ST13: variants seen among roughly 807,000 people sequenced by gnomAD.
The protein encoded by ST13 is hsc70-interacting protein.
ST13 carries 23 observed loss-of-function variants against 56.7 expected under a neutral mutation model. The ratio of observed to expected loss-of-function variants is 0.41; its 90% CI spans 0.29 to 0.57. The LOEUF (loss-of-function observed/expected upper bound fraction) is 0.57, where lower values mean the gene tolerates loss of function less well. ST13 is among the 20% of genes least tolerant of loss of function. The pLI is 0.36. For synonymous variants in ST13, 132 were observed against 142.4 expected (o/e 0.93, Z 0.52); for missense variants, 369 against 459.9 (o/e 0.80, Z 1.81).
In ST13 at chr22:40,824,791, T is replaced by C. The variant is rs1237972157; in HGVS notation, c.*1747A>G. The C allele has an allele frequency of 6.6e-6, 1 of 152,232 alleles. No homozygotes were observed. Among genetic ancestry groups the C allele is most frequent in the Non-Finnish European group, 1.5e-5 (1 of 68,040 alleles). 9.4% of individuals were successfully genotyped at this position (152,232 alleles called of 1,614,324 possible). On this transcript the variant is annotated 3_prime_UTR_variant, in exon 12 of 12. Transcript: ENST00000216218. Reference sequence around the variant, plus strand: ...ACACAAGCTCAAATGCAAGTTTATATGGTGAGTGTTTTTAAAGGATTTAAA... The same window carrying C: ...ACACAAGCTCAAATGCAAGTTTATACGGTGAGTGTTTTTAAAGGATTTAAA...
At chr22:40,833,596 C>T (rs1032773125) in intron 7 of ST13, among the ~76,000 whole-genome samples, 8 of 148,942 alleles carry the variant, frequency 5.4e-5, no homozygotes, top group Non-Finnish European at 1.2e-4. Flanking sequence ...TAAGGTGTGG[C>T]TAGGCGCGAT....
chr22:40,847,019 C>CA (rs1033150615), intron 3 of ST13, among the ~76,000 whole-genome samples: 24 of 150,456 alleles, frequency 1.6e-4, no homozygotes, highest in East Asian at 5.9e-4. Flanking sequence ...AAAAAAACAA[C>CA]AAAAAAAAAC....
chr22:40,845,947 G>GT (rs1465788362), intron 3 of ST13, among the ~76,000 whole-genome samples: 1 of 151,962 alleles, frequency 6.6e-6, no homozygotes, highest in Non-Finnish European at 1.5e-5. Flanking sequence ...CAGGCATATC[G>GT]TTTTTTGAGA....
intron 7 of ST13, among the ~76,000 whole-genome samples, chr22:40,834,201 C>T (rs1411733402): frequency 3.3e-5 from 5 of 151,896 alleles, no homozygotes; most frequent in Non-Finnish European, 7.4e-5. Context: ...AGGATAATCA[C>T]TTGAACCTGG....
In ST13 at chr22:40,834,874, T is replaced by C. The variant is rs887375579; in HGVS notation, c.578+686A>G. ...CTTTAACATGTGTCATAAAATCCAC[T>C]AGAGCTACTCTGAGTCAGCTAATAC... On this transcript the variant is annotated intron_variant, in intron 7 of 11. Transcript: ENST00000216218. Among the ~76,000 whole-genome samples, 7 of 152,236 alleles carry C rather than the reference T, an allele frequency of 4.6e-5. No individual in the cohort carries two copies. In the South Asian group the frequency reaches 8.3e-4, roughly 18 times the overall value.
intron 5 of ST13, among the ~76,000 whole-genome samples, chr22:40,840,040 C>T (rs1337659811): frequency 6.6e-6 from 1 of 151,892 alleles, no homozygotes; most frequent in Non-Finnish European, 1.5e-5. Flanking sequence ...ATCCCAGCTA[C>T]TCGGGAGGCT....
chr22:40,846,560 G>A (rs1486960115), intron 3 of ST13, among the ~76,000 whole-genome samples: 1 of 152,196 alleles, frequency 6.6e-6, no homozygotes, highest in African/African-American at 2.4e-5. Context: ...TAGGTGGAGA[G>A]TTGGTTAAAA....
chr22:40,831,107 C>T (rs2057751906), intron 8 of ST13, 151 bp from the exon 9 acceptor site: 1 of 600,658 alleles, frequency 1.7e-6, no homozygotes, highest in Non-Finnish European at 2.9e-6. Context: ...CAAGCTAAGC[C>T]TTTAAGAAAA....
At chr22:40,846,993 C>G (rs2057834945) in intron 3 of ST13, among the ~76,000 whole-genome samples, 1 of 151,816 alleles carries the variant, frequency 6.6e-6, no homozygotes. Context: ...AAACTCAAGT[C>G]TTCCAAAAAA....
intron 2 of ST13, among the ~76,000 whole-genome samples, chr22:40,850,119 A>T (rs2057853955): frequency 6.6e-6 from 1 of 152,114 alleles, no homozygotes; most frequent in African/African-American, 2.4e-5. Flanking sequence ...TTAGCCAGGC[A>T]TGGTGGGATG....
intron 1 of ST13, 106 bp from the exon 2 acceptor site, chr22:40,850,986 T>A: frequency 5.4e-6 from 4 of 737,560 alleles, no homozygotes; most frequent in Non-Finnish European, 8.9e-6. Flanking sequence ...ATGACTACCT[T>A]TTCAAAATTT....
intron 4 of ST13, among the ~76,000 whole-genome samples, chr22:40,841,761 C>CTTT (rs35486587): frequency 2.0e-5 from 3 of 146,866 alleles, no homozygotes; most frequent in African/African-American, 7.5e-5. Context: ...AAATGTTTTG[C>CTTT]TTTTTTTTTT....
chr22:40,827,646 ATATTTTTATAAATATATTTTT>A, intron 10 of ST13, among the ~76,000 whole-genome samples: 1 of 151,586 alleles, frequency 6.6e-6, no homozygotes, highest in East Asian at 1.9e-4. Context: ...CCTAATTTTT[ATATTTTTATAAATATATTTTT>A]TATTTTTATA....
rs966145323 is a variant in ST13, at chr22:40,845,584, G to C, written c.245-675C>G. Among the ~76,000 whole-genome samples the C allele has an allele frequency of 2.0e-5, 3 of 152,106 alleles. No homozygotes were observed. The East Asian group carries it at 5.8e-4, about 29-fold the overall frequency. ...TTAAAAATAAATTTAGTTTCCATAT[G>C]TACAGTAGTGACCAAAGCTAGTACT... On this transcript the variant is annotated intron_variant, in intron 3 of 11. Transcript: ENST00000216218.
chr22:40,847,998 G>A (rs1188619596), intron 3 of ST13, among the ~76,000 whole-genome samples: 1 of 152,066 alleles, frequency 6.6e-6, no homozygotes, highest in Non-Finnish European at 1.5e-5. Flanking sequence ...AGTGAGCCGA[G>A]ATTGTGCCAG....
At chr22:40,847,500 G>C (rs985697243) in intron 3 of ST13, among the ~76,000 whole-genome samples, 1 of 146,166 alleles carries the variant, frequency 6.8e-6, no homozygotes, top group Non-Finnish European at 1.5e-5. Flanking sequence ...AGTGAGCTGA[G>C]ATCACACTGC....
At position 40,832,558 on chromosome 22, in the gene ST13, C is replaced by T; in HGVS notation, c.681+11G>A. On this transcript the variant is annotated intron_variant, in intron 8 of 11. Transcript: ENST00000216218. ...TAACTAATGACTTTCCCTTTCTCTACTTTGACATACCCTAGGTTGAACTTC... is the reference window on the plus strand; with the variant it reads ...TAACTAATGACTTTCCCTTTCTCTATTTTGACATACCCTAGGTTGAACTTC... 1 of 1,601,082 alleles carries T rather than the reference C, an allele frequency of 6.2e-7. No homozygotes were observed. Among genetic ancestry groups the T allele is most frequent in the Non-Finnish European group, 8.5e-7 (1 of 1,171,752 alleles).
intron 4 of ST13, among the ~76,000 whole-genome samples, chr22:40,842,825 CAG>C (rs1305751875): frequency 2.0e-5 from 3 of 152,192 alleles, no homozygotes; most frequent in Non-Finnish European, 4.4e-5. Flanking sequence ...CAAATGGTGA[CAG>C]AAAGTACTTA....
At chr22:40,829,762 TGTAAAATAACCTA>T in intron 9 of ST13, 88 bp from the exon 10 acceptor site, 1 of 642,782 alleles carries the variant, frequency 1.6e-6, no homozygotes, top group Non-Finnish European at 2.4e-6. Flanking sequence ...ATGAAAAAAT[TGTAAAATAACCTA>T]GTAGATGGCA....
Sources: allele counts gnomAD v4.1 joint callset (sites outside exome capture counted in the v4.1 genomes callset), GRCh38; gene constraint gnomAD v4.1.1; transcripts MANE v1.5; gene names NCBI Gene and HGNC (gene_info 2026-07-23, HGNC 2026-07-21).